JMJD1C: variants seen among roughly 807,000 people sequenced by gnomAD.
The protein encoded by JMJD1C is jumonji domain containing 1C.
Under a neutral mutation model 245.3 loss-of-function variants are expected in JMJD1C, and 31 were observed. The ratio of observed to expected loss-of-function variants is 0.13; its 90% CI spans 0.09 to 0.17. The LOEUF (loss-of-function observed/expected upper bound fraction) is 0.17. Among genes scored for constraint, JMJD1C ranks in the 10% least tolerant of loss-of-function variants. JMJD1C has a pLI of 1.00. For missense variants in JMJD1C, 2,691 were observed against 3,000.2 expected, an observed-to-expected ratio of 0.90 and a Z score of 2.41; for synonymous variants, 1,057 against 1,017.4, an observed-to-expected ratio of 1.04 and a Z score of -0.74.
chr10:63,512,842 T>C (rs1954911537), intron 1 of JMJD1C, among the ~76,000 whole-genome samples: 2 of 152,212 alleles, frequency 1.3e-5, no homozygotes. Context: ...CTTTGGCAGC[T>C]GTCTCACAGT....
rs190279587 is a variant in JMJD1C, at chr10:63,512,743, G to A, written n.113+8995C>T. ...GTAGTTTGATATCTGACACTCATTT[G>A]GGGGAATTCTCAGTTATTACTTAAA... On this transcript the variant is annotated intron_variant and non_coding_transcript_variant, in intron 1 of 3. Coordinates refer to the JMJD1C transcript ENST00000633035. 2.6e-5 allele frequency among the ~76,000 whole-genome samples: 4 copies of A among 152,138 alleles called. No individual in the cohort carries two copies. The East Asian group carries it at 5.8e-4, about 22-fold the overall frequency.
upstream of JMJD1C, among the ~76,000 whole-genome samples, chr10:63,466,924 A>G (rs1389849057): frequency 6.6e-6 from 1 of 152,150 alleles, no homozygotes; most frequent in Admixed American, 6.5e-5. Context: ...GAGCAGTTCG[A>G]TTTCAGGCAC....
intron 2 of JMJD1C, among the ~76,000 whole-genome samples, chr10:63,295,909 G>T (rs369045188): frequency 5.4e-5 from 8 of 147,268 alleles, no homozygotes; most frequent in African/African-American, 2.0e-4. Flanking sequence ...ACATGAATAC[G>T]TGTATGTATA....
rs1192074232 is a variant in JMJD1C at position 63,265,271 on chromosome 10, G to A, written c.334-507C>T. 5.9e-5 allele frequency among the ~76,000 whole-genome samples: 3 copies of A among 50,766 alleles called. 1 individual carries two copies. The highest frequency in any genetic ancestry group is 2.1e-4 in the Admixed American group (1 of 4,656). 33.3% of individuals were successfully genotyped at this position (50,766 alleles called of 152,430 possible). ...CTCCACCCCTTGCACTCCCACCCCC[G>A]CCCCTGCACCAAGCACAGATAAAAA... On this transcript the variant is annotated intron_variant, in intron 2 of 25. Transcript: ENST00000399262.
At chr10:63,472,650 T>G (rs1266025914) in intron 1 of JMJD1C, among the ~76,000 whole-genome samples, 1 of 152,156 alleles carries the variant, frequency 6.6e-6, no homozygotes, top group African/African-American at 2.4e-5. Flanking sequence ...TCTTTTTATA[T>G]TCACAAGTTT....
chr10:63,348,392 C>T (rs1228973210), intron 2 of JMJD1C, among the ~76,000 whole-genome samples: 1 of 152,052 alleles, frequency 6.6e-6, no homozygotes, highest in Non-Finnish European at 1.5e-5. Flanking sequence ...TCAGTTTACA[C>T]CATGACTAAC....
intron 1 of JMJD1C, among the ~76,000 whole-genome samples, chr10:63,493,245 ATTTC>A (rs1954231276): frequency 2.5e-5 from 1 of 39,310 alleles, no homozygotes; most frequent in Non-Finnish European, 5.0e-5. Flanking sequence ...CAAAACTGTT[ATTTC>A]TTTTTTTTTT....
chr10:63,414,451 C>T (rs1949684366), intron 1 of JMJD1C, among the ~76,000 whole-genome samples: 2 of 152,012 alleles, frequency 1.3e-5, no homozygotes, highest in African/African-American at 4.8e-5. Context: ...ACCAGAATCA[C>T]CATAAGGCCA....
chr10:63,296,472 A>C (rs1188129441), intron 2 of JMJD1C, among the ~76,000 whole-genome samples: 1 of 152,188 alleles, frequency 6.6e-6, no homozygotes, highest in Non-Finnish European at 1.5e-5. Context: ...TTTGGGGAGT[A>C]TTTTAAACAG....
chr10:63,234,278 T>C (rs935603180), intron 3 of JMJD1C, among the ~76,000 whole-genome samples: 26 of 151,760 alleles, frequency 1.7e-4, no homozygotes, highest in Non-Finnish European at 2.9e-5. Context: ...GGTGAAACGC[T>C]GAGCCCAGAG....
intron 1 of JMJD1C, among the ~76,000 whole-genome samples, chr10:63,392,954 A>G (rs1387119574): frequency 4.0e-5 from 6 of 151,646 alleles, no homozygotes; most frequent in Admixed American, 3.9e-4. Flanking sequence ...GACAACATAC[A>G]AACAGCCAAC....
At chr10:63,209,915 T>C (rs560114943) in intron 8 of JMJD1C, among the ~76,000 whole-genome samples, 5 of 152,326 alleles carry the variant, frequency 3.3e-5, no homozygotes, top group Admixed American at 3.3e-4. Context: ...TTAAGGATTT[T>C]TCTATATTCT....
At chr10:63,255,408 A>G (rs866421419) in intron 3 of JMJD1C, among the ~76,000 whole-genome samples, 8 of 152,338 alleles carry the variant, frequency 5.3e-5, no homozygotes, top group Middle Eastern at 6.8e-3. Context: ...GTCAAATGAA[A>G]ACTAGTGTTA....
intron 1 of JMJD1C, among the ~76,000 whole-genome samples, chr10:63,495,837 A>G (rs892591586): frequency 6.6e-6 from 1 of 151,976 alleles, no homozygotes; most frequent in Non-Finnish European, 1.5e-5. Context: ...AGTATACCTC[A>G]GTGTAACAAA....
At chr10:63,427,425 G>A (rs1950507915) in intron 1 of JMJD1C, 6 of 1,124,692 alleles carry the variant, frequency 5.3e-6, no homozygotes, top group East Asian at 2.6e-5. Flanking sequence ...TACACCGGGA[G>A]GTGACTGCTG....
chr10:63,220,828 G>A (rs1232846944), intron 3 of JMJD1C, among the ~76,000 whole-genome samples: 2 of 151,730 alleles, frequency 1.3e-5, no homozygotes, highest in African/African-American at 4.9e-5. Flanking sequence ...GACAGGCAGG[G>A]CCGGGCGCGG....
chr10:63,175,313 G>A (rs1162385260), intron 24 of JMJD1C, among the ~76,000 whole-genome samples: 1 of 152,036 alleles, frequency 6.6e-6, no homozygotes, highest in Non-Finnish European at 1.5e-5. Flanking sequence ...AAGTCCATGG[G>A]AAAATATAAC....
intron 2 of JMJD1C, among the ~76,000 whole-genome samples, chr10:63,326,457 C>A (rs1354347673): frequency 6.6e-6 from 1 of 151,772 alleles, no homozygotes; most frequent in Non-Finnish European, 1.5e-5. Flanking sequence ...CAATTTATTA[C>A]AATGGCAAGA....
intron 1 of JMJD1C, among the ~76,000 whole-genome samples, chr10:63,465,041 A>G (rs186517598): frequency 5.5e-4 from 84 of 152,350 alleles, no homozygotes; most frequent in African/African-American, 1.9e-3. Context: ...ACCTTACAGG[A>G]TAAGTTTTAA....
Sources: allele counts gnomAD v4.1 joint callset (sites outside exome capture counted in the v4.1 genomes callset), GRCh38; gene constraint gnomAD v4.1.1; transcripts MANE v1.5; gene names NCBI Gene and HGNC (gene_info 2026-07-23, HGNC 2026-07-21).